The following LAMA2 variants were observed in gnomAD, a reference collection of about 807,000 sequenced individuals.
The protein encoded by LAMA2 is laminin subunit alpha-2.
In LAMA2, 269 loss-of-function variants were observed where a neutral mutation model predicts 364.8. The observed-to-expected ratio is 0.74, with a 90% CI of 0.67 to 0.82. LAMA2 has a LOEUF of 0.82. LAMA2 is among the 40% of genes least tolerant of loss of function. The pLI is 0.00. For synonymous variants in LAMA2, 1,379 were observed against 1,370.6 expected, an observed-to-expected ratio of 1.01 and a Z score of -0.14; for missense variants, 3,807 against 3,873.2, an observed-to-expected ratio of 0.98 and a Z score of 0.45.
At chr6:129,209,477 A>G (rs1301614720) in intron 12 of LAMA2, among the ~76,000 whole-genome samples, 1 of 152,222 alleles carries the variant, frequency 6.6e-6, no homozygotes, top group Non-Finnish European at 1.5e-5. Context: ...TTAACTATGC[A>G]GGGAATGAAA....
At chr6:128,916,856 A>G (rs555577609) in intron 1 of LAMA2, among the ~76,000 whole-genome samples, 1 of 152,264 alleles carries the variant, frequency 6.6e-6, no homozygotes, top group African/African-American at 2.4e-5. Context: ...GGATCTTTCC[A>G]CTGTTTTAAC....
intron 47 of LAMA2, among the ~76,000 whole-genome samples, chr6:129,455,400 G>T (rs1455279367): frequency 6.6e-6 from 1 of 152,068 alleles, no homozygotes; most frequent in Admixed American, 6.6e-5. Flanking sequence ...CCGGGTTTAA[G>T]GACATTTATA....
chr6:129,490,011 A>C (rs1159827573), intron 56 of LAMA2, among the ~76,000 whole-genome samples: 1 of 152,228 alleles, frequency 6.6e-6, no homozygotes, highest in Non-Finnish European at 1.5e-5. Context: ...AGCAGGCCTC[A>C]GTAAAAAGCT....
At position 129,361,138 on chromosome 6, in the gene LAMA2, G is replaced by C. The variant is rs538869850; in HGVS notation, c.4718-5081G>C. 4.6e-5 allele frequency among the ~76,000 whole-genome samples: 7 copies of C among 152,262 alleles called. No homozygotes were observed. In the South Asian group the frequency reaches 1.5e-3, roughly 32 times the overall value. On this transcript the variant is annotated intron_variant, in intron 32 of 64. Coordinates refer to ENST00000421865, the MANE Select transcript of LAMA2 (RefSeq NM_000426.4). The stretch of plus-strand genomic sequence containing the variant: ...ACCAAGTATCTTTAAAGATCTTGGA[G>C]GTGAAAAAAGAGCAAATTGCTTGCT...
intron 1 of LAMA2, among the ~76,000 whole-genome samples, chr6:129,040,717 A>G (rs6900645): frequency 0.45 from 68,930 of 152,122 alleles, 17,240 homozygotes; most frequent in African/African-American, 0.67. Context: ...GAGGCAGAAG[A>G]AGGCTACTTG....
At chr6:129,318,010 A>T (rs1774722447) in intron 27 of LAMA2, among the ~76,000 whole-genome samples, 1 of 151,634 alleles carries the variant, frequency 6.6e-6, no homozygotes, top group Non-Finnish European at 1.5e-5. Flanking sequence ...TTTAGAATAC[A>T]TTTTTCCTAA....
intron 1 of LAMA2, among the ~76,000 whole-genome samples, chr6:128,954,257 C>T (rs13209032): frequency 0.13 from 19,445 of 151,984 alleles, 1,567 homozygotes; most frequent in African/African-American, 0.23. Flanking sequence ...TTCTTGAAGA[C>T]GGCTATCATT....
chr6:129,053,423 A>G, intron 2 of LAMA2, among the ~76,000 whole-genome samples: 1 of 152,104 alleles, frequency 6.6e-6, no homozygotes, highest in East Asian at 1.9e-4. Context: ...AGTGGGGAGT[A>G]TAGTTGCATA....
rs765817742 is a variant in LAMA2, at chr6:129,144,081, G to GT, written c.819+2dup. 2 of 1,608,262 alleles carry GT rather than the reference G, an allele frequency of 1.2e-6. No homozygotes were observed. Among genetic ancestry groups the GT allele is most frequent in the Non-Finnish European group, 1.7e-6 (2 of 1,175,224 alleles). Reference sequence around the variant, plus strand: ...AATTGACCCCATTGTCACCAGAAGAGTAAGTTATGATGAATCATATTAGAG... The same window carrying GT: ...AATTGACCCCATTGTCACCAGAAGAGTTAAGTTATGATGAATCATATTAGAG... On this transcript the variant is annotated splice_donor_variant, in intron 5 of 64. Transcript: ENST00000421865. LOFTEE classifies it high-confidence loss of function.
intron 12 of LAMA2, among the ~76,000 whole-genome samples, chr6:129,236,752 A>G (rs1333913228): frequency 6.6e-6 from 1 of 150,904 alleles, no homozygotes; most frequent in Non-Finnish European, 1.5e-5. Context: ...CACACATATA[A>G]GTATATATAT....
intron 58 of LAMA2, among the ~76,000 whole-genome samples, chr6:129,493,687 T>C (rs1471915454): frequency 6.6e-6 from 1 of 152,214 alleles, no homozygotes; most frequent in African/African-American, 2.4e-5. Context: ...CATTCAATAT[T>C]ATATGTAATT....
At chr6:129,336,254 A>C (rs1009105447) in intron 29 of LAMA2, among the ~76,000 whole-genome samples, 4 of 152,194 alleles carry the variant, frequency 2.6e-5, no homozygotes, top group African/African-American at 9.7e-5. Flanking sequence ...GTTCGAGACC[A>C]GCATGGTCAA....
At chr6:128,958,534 G>A (rs1446612721) in intron 1 of LAMA2, among the ~76,000 whole-genome samples, 1 of 151,996 alleles carries the variant, frequency 6.6e-6, no homozygotes, top group East Asian at 1.9e-4. Flanking sequence ...ATTTCAACTA[G>A]TTTTTCTGAT....
intron 4 of LAMA2, among the ~76,000 whole-genome samples, chr6:129,139,844 T>C (rs1778015699): frequency 6.6e-6 from 1 of 152,120 alleles, no homozygotes; most frequent in Non-Finnish European, 1.5e-5. Flanking sequence ...TGGTGTCAGC[T>C]TACTTTCAAT....
intron 58 of LAMA2, among the ~76,000 whole-genome samples, chr6:129,496,238 C>T (rs1267426422): frequency 3.3e-5 from 5 of 152,196 alleles, no homozygotes; most frequent in Non-Finnish European, 4.4e-5. Context: ...ACAATCTCGT[C>T]TCACTGCAAC....
intron 1 of LAMA2, among the ~76,000 whole-genome samples, chr6:128,918,332 T>A (rs1778476356): frequency 1.3e-5 from 2 of 152,202 alleles, no homozygotes; most frequent in African/African-American, 2.4e-5. Context: ...TAAGGTAAAC[T>A]TTTTAGGATG....
chr6:129,384,273 G>A (rs1778854508), intron 35 of LAMA2, among the ~76,000 whole-genome samples: 1 of 152,100 alleles, frequency 6.6e-6, no homozygotes, highest in Admixed American at 6.6e-5. Flanking sequence ...TTCCATTAAT[G>A]CTACTTGAAG....
At chr6:129,178,579 A>G (rs923293483) in intron 10 of LAMA2, among the ~76,000 whole-genome samples, 6 of 152,204 alleles carry the variant, frequency 3.9e-5, no homozygotes, top group African/African-American at 1.2e-4. Flanking sequence ...GACGGTGTAT[A>G]ACTACATTAG....
chr6:129,399,007 A>G (rs1234771374), intron 37 of LAMA2, among the ~76,000 whole-genome samples: 1 of 152,194 alleles, frequency 6.6e-6, no homozygotes, highest in South Asian at 2.1e-4. Context: ...TAATAGATTC[A>G]ATGTGTTGTC....
Sources: allele counts gnomAD v4.1 joint callset (sites outside exome capture counted in the v4.1 genomes callset), GRCh38; gene constraint gnomAD v4.1.1; transcripts MANE v1.5; gene names NCBI Gene and HGNC (gene_info 2026-07-23, HGNC 2026-07-21).